The following ACTR3C variants were observed in gnomAD, a reference collection of about 807,000 sequenced individuals.
ACTR3C encodes the protein actin-related protein 3C.
ACTR3C carries 18 observed loss-of-function variants against 26.3 expected under a neutral mutation model. That is an observed-to-expected ratio of 0.68 (90% CI 0.47 to 1.01). The LOEUF is 1.01. Among genes scored for constraint, ACTR3C ranks in the 50% least tolerant of loss-of-function variants. ACTR3C has a pLI of 0.00. For synonymous variants in ACTR3C, 55 were observed against 94.5 expected (o/e 0.58, Z 2.42); for missense variants, 184 against 250.7 (o/e 0.73, Z 1.80).
At chr7:150,175,034 G>A in the ACTR3C span, among the ~76,000 whole-genome samples, 728 of 146,694 alleles carry the variant, frequency 5.0e-3, 27 homozygotes, top group African/African-American at 0.019. Context: ...TGAAGAGGAT[G>A]TGGAACAACA....
chr7:149,884,712 T>C, the ACTR3C span, among the ~76,000 whole-genome samples: 1 of 152,134 alleles, frequency 6.6e-6, no homozygotes, highest in South Asian at 2.1e-4. Context: ...TTTAGCCAGC[T>C]CTCCAGCTGC....
chr7:150,320,281 CG>C (rs1797367463), intron 1 of ACTR3C, among the ~76,000 whole-genome samples: 1 of 152,202 alleles, frequency 6.6e-6, no homozygotes, highest in South Asian at 2.1e-4. Context: ...AGAGGAAGAA[CG>C]CCCTACCTCA....
At chr7:150,215,107 G>C in the ACTR3C span, among the ~76,000 whole-genome samples, 3 of 149,886 alleles carry the variant, frequency 2.0e-5, no homozygotes, top group South Asian at 6.3e-4. Flanking sequence ...AGACATACAA[G>C]CTTTGCTATC....
the ACTR3C span, among the ~76,000 whole-genome samples, chr7:150,036,030 G>C: frequency 8.1e-6 from 1 of 123,416 alleles, no homozygotes; most frequent in African/African-American, 3.4e-5. Flanking sequence ...GGTCCTAAGA[G>C]CAAAGGTGGG....
chr7:150,186,900 A>G, the ACTR3C span, among the ~76,000 whole-genome samples: 1 of 152,230 alleles, frequency 6.6e-6, no homozygotes, highest in African/African-American at 2.4e-5. Flanking sequence ...AAGGACTCAT[A>G]GCTAAATAAT....
the ACTR3C span, among the ~76,000 whole-genome samples, chr7:150,016,783 T>C: frequency 6.6e-6 from 1 of 152,100 alleles, no homozygotes; most frequent in Non-Finnish European, 1.5e-5. Context: ...GCAAGACAAT[T>C]AAAGGCAATC....
chr7:150,257,353 G>T (rs1833293601), intron 6 of ACTR3C, among the ~76,000 whole-genome samples: 1 of 152,176 alleles, frequency 6.6e-6, no homozygotes, highest in Non-Finnish European at 1.5e-5. Flanking sequence ...GAACTGCAGA[G>T]CTCCAGGGAC....
chr7:150,166,175 A>G, the ACTR3C span, among the ~76,000 whole-genome samples: 2 of 151,444 alleles, frequency 1.3e-5, no homozygotes, highest in East Asian at 1.9e-4. Context: ...GCTGCAGTTT[A>G]TACATAAGCT....
At chr7:150,065,632 G>T in the ACTR3C span, among the ~76,000 whole-genome samples, 14 of 152,090 alleles carry the variant, frequency 9.2e-5, no homozygotes, top group South Asian at 1.5e-3. Flanking sequence ...CTGGGTTCAG[G>T]TGCCTCAGGG....
the ACTR3C span, among the ~76,000 whole-genome samples, chr7:150,012,327 T>TTC: frequency 6.9e-6 from 1 of 144,960 alleles, no homozygotes; most frequent in Non-Finnish European, 1.5e-5. Context: ...CTTTTTTTTT[T>TTC]TTTTTGAGAC....
chr7:150,158,750 G>A, the ACTR3C span, among the ~76,000 whole-genome samples: 1 of 152,084 alleles, frequency 6.6e-6, no homozygotes, highest in Non-Finnish European at 1.5e-5. Context: ...TTGTGTACTT[G>A]GAATTTGCTG....
the ACTR3C span, among the ~76,000 whole-genome samples, chr7:149,975,845 G>A: frequency 8.5e-5 from 13 of 152,114 alleles, no homozygotes; most frequent in African/African-American, 3.1e-4. Flanking sequence ...AACAGCATGG[G>A]GGAAACCAGC....
chr7:149,903,084 G>T, the ACTR3C span, among the ~76,000 whole-genome samples: 1 of 112,452 alleles, frequency 8.9e-6, no homozygotes, highest in African/African-American at 2.7e-5. Flanking sequence ...ACTAGGAATA[G>T]AAGAGCACTG....
chr7:150,277,274 G>C (rs543416411), intron 6 of ACTR3C, among the ~76,000 whole-genome samples: 2 of 152,204 alleles, frequency 1.3e-5, no homozygotes, highest in African/African-American at 4.8e-5. Flanking sequence ...AGGAGTTCGA[G>C]ACCAGCTTGG....
chr7:150,169,405 AG>A, the ACTR3C span, among the ~76,000 whole-genome samples: 25 of 141,000 alleles, frequency 1.8e-4, no homozygotes, highest in East Asian at 3.9e-3. Context: ...AAAAAAAAAA[AG>A]AAGAAGAAGA....
the ACTR3C span, among the ~76,000 whole-genome samples, chr7:150,088,043 A>G: frequency 1.3e-5 from 2 of 152,246 alleles, no homozygotes; most frequent in Non-Finnish European, 2.9e-5. Context: ...TCAGTTTGTT[A>G]TTGAATTATA....
the ACTR3C span, among the ~76,000 whole-genome samples, chr7:150,142,823 C>T: frequency 4.0e-5 from 6 of 150,270 alleles, no homozygotes; most frequent in South Asian, 8.5e-4. Flanking sequence ...GCCACTACGC[C>T]TGGCTTTTTT....
intron 6 of ACTR3C, among the ~76,000 whole-genome samples, chr7:150,253,394 G>GT (rs1473611359): frequency 5.3e-5 from 8 of 152,050 alleles, no homozygotes; most frequent in African/African-American, 1.9e-4. Flanking sequence ...TGGGGTTTTT[G>GT]TTTTTACCCG....
intron 1 of ACTR3C, among the ~76,000 whole-genome samples, chr7:150,319,746 C>G (rs1397688854): frequency 2.0e-5 from 3 of 152,218 alleles, no homozygotes; most frequent in Admixed American, 1.3e-4. Context: ...CTACCAACCT[C>G]TCCCCTGACC....
Sources: gnomAD v4.1 joint callset for allele counts (sites outside exome capture counted in the v4.1 genomes callset) on GRCh38, gnomAD v4.1.1 for gene constraint, MANE v1.5 for transcripts, NCBI Gene and HGNC (gene_info 2026-07-23, HGNC 2026-07-21) for gene names.